ATXN10: variants seen among roughly 807,000 people sequenced by gnomAD.
The protein encoded by ATXN10 is ataxin-10.
In ATXN10, 28 loss-of-function variants were observed where a neutral mutation model predicts 52.9. That is an observed-to-expected ratio of 0.53 (90% CI 0.39 to 0.73). ATXN10 has a LOEUF of 0.73. Ranked by LOEUF, ATXN10 falls within the 30% of genes least tolerant of loss-of-function variation. The probability of loss-of-function intolerance (pLI) is 0.00; values close to 1 mark genes in which losing one functional copy is unlikely to be tolerated. For synonymous variants in ATXN10, 226 were observed against 221.5 expected (o/e 1.02, Z -0.18); for missense variants, 565 against 577.0 (o/e 0.98, Z 0.21).
intron 7 of ATXN10, among the ~76,000 whole-genome samples, chr22:45,734,971 G>A (rs538982543): frequency 1.7e-4 from 25 of 151,316 alleles, no homozygotes; most frequent in African/African-American, 3.4e-4. Context: ...TGCAACCTCC[G>A]TCTCCCAGGT....
chr22:45,703,051 C>A (rs1923901181), intron 5 of ATXN10, among the ~76,000 whole-genome samples: 1 of 152,132 alleles, frequency 6.6e-6, no homozygotes, highest in African/African-American at 2.4e-5. Context: ...TGAATTGAGC[C>A]TTTAAGGACA....
rs562037475 is a variant in ATXN10 at position 45,775,759 on chromosome 22, C to T, written c.1174-31200C>T. 6.6e-6 allele frequency among the ~76,000 whole-genome samples: 1 copy of T among 152,300 alleles called. No individual in the cohort carries two copies. Among genetic ancestry groups the T allele is most frequent in the South Asian group, 2.1e-4 (1 of 4,818 alleles). On this transcript the variant is annotated intron_variant, in intron 9 of 11. Coordinates refer to ENST00000252934, the MANE Select transcript of ATXN10 (RefSeq NM_013236.4). The surrounding 1 kb of genome is among the most constrained non-coding windows in gnomAD (Gnocchi z 4.7). ...AAGTTTTACTTCCTCATTAGTGCCT[C>T]ATGTCATGACCTGGGTCTCCGATTT...
intron 7 of ATXN10, chr22:45,734,381 G>T: frequency 3.6e-6 from 1 of 280,510 alleles, no homozygotes; most frequent in Admixed American, 4.3e-5. Context: ...GCATTTTCTG[G>T]AAATTAGTCT....
In ATXN10 at chr22:45,727,331, A is replaced by ATCTATATC. The variant is rs1555890579; in HGVS notation, c.729-2093_729-2092insCTATATCT. 6.1e-4 allele frequency among the ~76,000 whole-genome samples: 89 copies of ATCTATATC among 146,796 alleles called. No homozygotes were observed. The highest frequency in any genetic ancestry group is 8.1e-4 in the Non-Finnish European group (54 of 66,920). ...GTTCTGTCTGTCTGTCTATCTATCTATATCTATCTATCTATCTATCTATCT... is the reference window on the plus strand; with the variant it reads ...GTTCTGTCTGTCTGTCTATCTATCTATCTATATCTATCTATCTATCTATCTATCTATCT... On this transcript the variant is annotated intron_variant, in intron 6 of 11. Coordinates refer to ENST00000252934, the MANE Select transcript of ATXN10 (RefSeq NM_013236.4). This position sits in a 1 kb window ranked among gnomAD's most constrained non-coding sequence, Gnocchi z 4.6.
intron 10 of ATXN10, among the ~76,000 whole-genome samples, chr22:45,811,154 A>G (rs1200788199): frequency 6.6e-6 from 1 of 152,318 alleles, no homozygotes; most frequent in South Asian, 2.1e-4. Context: ...CTTTTTCATT[A>G]CATAAATTTT....
At chr22:45,778,077 C>G (rs1017089758) in intron 9 of ATXN10, among the ~76,000 whole-genome samples, 1 of 152,124 alleles carries the variant, frequency 6.6e-6, no homozygotes, top group East Asian at 1.9e-4. Context: ...CAGTGGAGAC[C>G]GTATGGTTTG....
rs1202226472 is a variant in ATXN10, at chr22:45,672,091, A to G, written c.28A>G (p.Arg10Gly). 7 of 1,538,314 alleles carry G rather than the reference A, an allele frequency of 4.6e-6. No individual in the cohort carries two copies. The highest frequency in any genetic ancestry group is 2.4e-5 in the South Asian group (2 of 83,856). The change falls in exon 1 of 12, where the codon AGG becomes GGG. Residue 10 changes from arginine (R) to glycine (G), a missense_variant. Arg to Gly is a moderately radical substitution (Grantham distance 125, BLOSUM62 -2). Transcript: ENST00000252934. ...GGCGGCGCCCAGGCCGCCGCCTGCC[A>G]GGCTGTCGGGCGTCATGGTGCCGGC... is the stretch of plus-strand genomic sequence containing the variant. MAAPRPPPA[R>G]LSGVMVPAPI...
rs1445537969 is a variant in ATXN10, at chr22:45,715,370, A to G, written c.648-3043A>G. Reference sequence around the variant, plus strand: ...TTTCAGCCATGGGCAGGACTCATAGACAAATATCAGTATAGACTGATGTTT... The same window carrying G: ...TTTCAGCCATGGGCAGGACTCATAGGCAAATATCAGTATAGACTGATGTTT... On this transcript the variant is annotated intron_variant, in intron 5 of 11. Transcript: ENST00000252934. This position sits in a 1 kb window ranked among gnomAD's most constrained non-coding sequence, Gnocchi z 4.4. Among the ~76,000 whole-genome samples the G allele has an allele frequency of 1.3e-5, 2 of 152,236 alleles. No individual in the cohort carries two copies. Among genetic ancestry groups the G allele is most frequent in the African/African-American group, 4.8e-5 (2 of 41,466 alleles).
At position 45,824,522 on chromosome 22, in the gene ATXN10, A is replaced by G. The variant is rs1051375646; in HGVS notation, c.1237+17500A>G. 1.3e-5 allele frequency among the ~76,000 whole-genome samples: 2 copies of G among 152,114 alleles called. No homozygotes were observed. The highest frequency in any genetic ancestry group is 2.9e-5 in the Non-Finnish European group (2 of 68,032). On this transcript the variant is annotated intron_variant, in intron 10 of 11. Transcript: ENST00000252934. This position sits in a 1 kb window ranked among gnomAD's most constrained non-coding sequence, Gnocchi z 5.2. Reference sequence around the variant, plus strand: ...TCCCCCTTCCATAGTGATTGTCTTTACTTTCCATCCCTTAGTTGAAAATTG... The same window carrying G: ...TCCCCCTTCCATAGTGATTGTCTTTGCTTTCCATCCCTTAGTTGAAAATTG...
intron 10 of ATXN10, among the ~76,000 whole-genome samples, chr22:45,830,355 A>G (rs1408124846): frequency 6.6e-6 from 1 of 152,258 alleles, no homozygotes; most frequent in African/African-American, 2.4e-5. Context: ...ATTGGACTAC[A>G]TGAAAATTTT....
In ATXN10 at chr22:45,692,864, C is replaced by G. The variant is rs1569024994; in HGVS notation, c.309-132C>G. 3.9e-6 allele frequency: 3 copies of G among 759,986 alleles called. 1 individual carries two copies. The highest frequency in any genetic ancestry group is 6.9e-6 in the Non-Finnish European group (3 of 436,698). The allele number at this position is 759,986 out of a possible 1,614,324, so 47.1% of individuals were successfully genotyped here. ...GTTGCTATATTTTTCCTGTAAAGAG[C>G]CAGATAATAAATAATTTAGGCTTTG... is the stretch of plus-strand genomic sequence containing the variant. On this transcript the variant is annotated intron_variant, in intron 2 of 11. Coordinates refer to ENST00000252934, the MANE Select transcript of ATXN10 (RefSeq NM_013236.4).
Position 45,790,481 on chromosome 22 carries a change from A to T in ATXN10, c.1174-16478A>T, listed in dbSNP as rs1927470829. On this transcript the variant is annotated intron_variant, in intron 9 of 11. Coordinates refer to ENST00000252934, the MANE Select transcript of ATXN10 (RefSeq NM_013236.4). The surrounding 1 kb of genome is among the most constrained non-coding windows in gnomAD (Gnocchi z 4.7). ...ATGTCTCCAGAAACCAATACTTCTTACTTGTTGCCAACTAGCAGACCATAG... is the reference window on the plus strand; with the variant it reads ...ATGTCTCCAGAAACCAATACTTCTTTCTTGTTGCCAACTAGCAGACCATAG... Among the ~76,000 whole-genome samples, 2 of 152,362 alleles carry T rather than the reference A, an allele frequency of 1.3e-5. No individual in the cohort carries two copies. Among genetic ancestry groups the T allele is most frequent in the South Asian group, 4.1e-4 (2 of 4,820 alleles).
At chr22:45,817,444 C>T (rs528723478) in intron 10 of ATXN10, among the ~76,000 whole-genome samples, 29 of 151,778 alleles carry the variant, frequency 1.9e-4, no homozygotes, top group Non-Finnish European at 2.5e-4. Flanking sequence ...TGTGCTTCAC[C>T]CTCTCTAGTA....
At chr22:45,791,877 T>C (rs762716668) in intron 9 of ATXN10, among the ~76,000 whole-genome samples, 18 of 152,190 alleles carry the variant, frequency 1.2e-4, no homozygotes, top group Non-Finnish European at 1.8e-4. Context: ...TTCTTGAAAA[T>C]TGGGTGGAAC....
chr22:45,834,610 GCCCAGATC>G, intron 10 of ATXN10, among the ~76,000 whole-genome samples: 1 of 152,170 alleles, frequency 6.6e-6, no homozygotes, highest in South Asian at 2.1e-4. Context: ...CTCCCTTTCA[GCCCAGATC>G]TGACAGAACT....
rs1470450937 is a variant in ATXN10, at chr22:45,835,765, CA to C, written c.1238-7223del. On this transcript the variant is annotated intron_variant, in intron 10 of 11. Coordinates refer to ENST00000252934, the MANE Select transcript of ATXN10 (RefSeq NM_013236.4). This position sits in a 1 kb window ranked among gnomAD's most constrained non-coding sequence, Gnocchi z 5.0. ...TCTTTCTTATAGTGTGTATTAAATG[CA>C]AATCTTACTCTATATTCTTCAGATT... Among the ~76,000 whole-genome samples, 6 of 152,206 alleles carry C rather than the reference CA, an allele frequency of 3.9e-5. No homozygotes were observed. Among genetic ancestry groups the C allele is most frequent in the Non-Finnish European group, 8.8e-5 (6 of 68,042 alleles).
rs1205439395 is a variant in ATXN10, at chr22:45,833,540, G to A, written c.1238-9451G>A. Among the ~76,000 whole-genome samples the A allele has an allele frequency of 6.6e-6, 1 of 152,154 alleles. No homozygotes were observed. Among genetic ancestry groups the A allele is most frequent in the Non-Finnish European group, 1.5e-5 (1 of 68,030 alleles). ...TTTTGAAATATCAACAGTGCTAGAC[G>A]AACACTAATGTCTTATAACTTAGGT... On this transcript the variant is annotated intron_variant, in intron 10 of 11. Transcript: ENST00000252934. The surrounding 1 kb of genome is among the most constrained non-coding windows in gnomAD (Gnocchi z 4.3).
Position 45,790,197 on chromosome 22 carries a change from G to T in ATXN10, c.1174-16762G>T, listed in dbSNP as rs565916909. On this transcript the variant is annotated intron_variant, in intron 9 of 11. Transcript: ENST00000252934. This position sits in a 1 kb window ranked among gnomAD's most constrained non-coding sequence, Gnocchi z 4.7. The stretch of plus-strand genomic sequence containing the variant: ...TGATTTCTTATTCTGCACAATCCCA[G>T]TTAGAGGGGCTCTTAATGCCTGTAT... Among the ~76,000 whole-genome samples, 1 of 152,264 alleles carries T rather than the reference G, an allele frequency of 6.6e-6. No homozygotes were observed. Among genetic ancestry groups the T allele is most frequent in the African/African-American group, 2.4e-5 (1 of 41,546 alleles).
rs1277965024 is a variant in ATXN10, at chr22:45,828,840, G to A, written c.1238-14151G>A. Reference sequence around the variant, plus strand: ...TGAATTCTAGCAAACATTTCAAGGGGAACTAATACCAATCCTTCTCAAACT... The same window carrying A: ...TGAATTCTAGCAAACATTTCAAGGGAAACTAATACCAATCCTTCTCAAACT... On this transcript the variant is annotated intron_variant, in intron 10 of 11. Coordinates refer to ENST00000252934, the MANE Select transcript of ATXN10 (RefSeq NM_013236.4). This position sits in a 1 kb window ranked among gnomAD's most constrained non-coding sequence, Gnocchi z 4.5. Among the ~76,000 whole-genome samples, 1 of 152,086 alleles carries A rather than the reference G, an allele frequency of 6.6e-6. No homozygotes were observed. Among genetic ancestry groups the A allele is most frequent in the Non-Finnish European group, 1.5e-5 (1 of 68,010 alleles).
Sources: allele counts gnomAD v4.1 joint callset (sites outside exome capture counted in the v4.1 genomes callset), GRCh38; gene constraint gnomAD v4.1.1; non-coding constraint Gnocchi (gnomAD v3.1); transcripts MANE v1.5; gene names NCBI Gene and HGNC (gene_info 2026-07-23, HGNC 2026-07-21).